The following KCNH6 variants were observed in gnomAD, a reference collection of about 807,000 sequenced individuals.
KCNH6 encodes the protein voltage-gated inwardly rectifying potassium channel KCNH6.
In KCNH6, 81 loss-of-function variants were observed where a neutral mutation model predicts 83.4. The observed-to-expected ratio is 0.97, with a 90% CI of 0.81 to 1.17. The LOEUF (loss-of-function observed/expected upper bound fraction) is 1.17, where lower values mean the gene tolerates loss of function less well. Ranked by LOEUF, KCNH6 falls within the 50% of genes most tolerant of loss-of-function variation. The pLI is 0.00. For synonymous variants in KCNH6, 503 were observed against 545.6 expected, an observed-to-expected ratio of 0.92 and a Z score of 1.09; for missense variants, 1,203 against 1,290.5, an observed-to-expected ratio of 0.93 and a Z score of 1.04.
chr17:63,538,277 G>A lies in KCNH6; in HGVS notation c.1701+13G>A, dbSNP rs199744923. 219 of 1,608,236 alleles carry A rather than the reference G, an allele frequency of 1.4e-4. 2 individuals are homozygous for A. The South Asian group carries it at 2.2e-3, about 16-fold the overall frequency. ...TGACATGAACGCGGTGAGCCCCGCC[G>A]CTCCGGCTAATGCCCCGGGCGTGGG... On this transcript the variant is annotated intron_variant, in intron 7 of 12. Transcript: ENST00000314672. This position sits in a 1 kb window ranked among gnomAD's most constrained non-coding sequence, Gnocchi z 4.0.
At position 63,535,808 on chromosome 17, in the gene KCNH6, G is replaced by A. The variant is rs151228927; in HGVS notation, c.1241G>A (p.Trp414Ter). Residue 414 changes from tryptophan (W) to a stop codon, truncating the protein, a stop_gained, in exon 6 of 13, where the codon TGG becomes TAG. Transcript: ENST00000314672. LOFTEE classifies it high-confidence loss of function. This position sits in a 1 kb window ranked among gnomAD's most constrained non-coding sequence, Gnocchi z 4.9. ...TGCACCTTCGCGCTCATAGCGCACT[G>A]GCTGGCCTGCATCTGGTACGCCATC... ...LMCTFALIAHWLACIWYAIGN... is the reference protein window; with the variant it reads ...LMCTFALIAH 1.2e-6 allele frequency: 2 copies of A among 1,614,238 alleles called. No homozygotes were observed. The highest frequency in any genetic ancestry group is 1.7e-6 in the Non-Finnish European group (2 of 1,180,048).
Position 63,543,573 on chromosome 17 carries a change from A to T in KCNH6, c.2149-3A>T. ...GTTATTTCACCCTCTTGCTTCCCATAAGGCAGCCGGGGGTCTCCACTCATC... is the reference window on the plus strand; with the variant it reads ...GTTATTTCACCCTCTTGCTTCCCATTAGGCAGCCGGGGGTCTCCACTCATC... On this transcript the variant is annotated splice_polypyrimidine_tract_variant and splice_region_variant and intron_variant, in intron 9 of 12. Transcript: ENST00000314672. The T allele has an allele frequency of 6.2e-7, 1 of 1,606,884 alleles. No homozygotes were observed. Among genetic ancestry groups the T allele is most frequent in the Non-Finnish European group, 8.5e-7 (1 of 1,173,852 alleles).
rs2032403414 is a variant in KCNH6, at chr17:63,535,236, C to T, written c.1102-433C>T. Among the ~76,000 whole-genome samples the T allele has an allele frequency of 2.0e-5, 3 of 152,178 alleles. No homozygotes were observed. Among genetic ancestry groups the T allele is most frequent in the East Asian group, 1.9e-4 (1 of 5,192 alleles). The stretch of plus-strand genomic sequence containing the variant: ...TCACTGCTCCTCCATCTCCCATGTG[C>T]GCATCGGGCTGCAGTGCCACACTCG... On this transcript the variant is annotated intron_variant, in intron 5 of 12. Transcript: ENST00000314672. The surrounding 1 kb of genome is among the most constrained non-coding windows in gnomAD (Gnocchi z 4.9).
Position 63,546,001 on chromosome 17 carries a change from C to CAA in KCNH6, c.*100_*101insAA. 8.5e-7 allele frequency: 1 copy of CAA among 1,176,704 alleles called. No homozygotes were observed. Among genetic ancestry groups the CAA allele is most frequent in the Non-Finnish European group, 1.2e-6 (1 of 828,302 alleles). 72.9% of individuals were successfully genotyped at this position (1,176,704 alleles called of 1,614,324 possible). On this transcript the variant is annotated 3_prime_UTR_variant, in exon 13 of 13. Coordinates refer to ENST00000314672, the MANE Select transcript of KCNH6 (RefSeq NM_001278919.2). The stretch of plus-strand genomic sequence containing the variant: ...GGGTGCAGTGGCTCGCCTGTAATCC[C>CAA]AGCACTTTGGGAGGCCGAGGCGGGC...
chr17:63,527,753 G>T (rs1469019450), intron 2 of KCNH6, among the ~76,000 whole-genome samples: 1 of 152,178 alleles, frequency 6.6e-6, no homozygotes, highest in African/African-American at 2.4e-5. Context: ...GTGGGCTTTT[G>T]TTGTGTGGGG....
At chr17:63,544,057 G>A (rs1369888963) in intron 10 of KCNH6, 192 bp from the exon 11 acceptor site, 1 of 1,604,898 alleles carries the variant, frequency 6.2e-7, no homozygotes, top group Non-Finnish European at 8.5e-7. Flanking sequence ...AAGGGCTACA[G>A]CCTCCTGGGT....
chr17:63,541,880 G>A (rs760119264), intron 8 of KCNH6, among the ~76,000 whole-genome samples: 1 of 152,214 alleles, frequency 6.6e-6, no homozygotes, highest in African/African-American at 2.4e-5. Flanking sequence ...GGCAGGCCAA[G>A]CAGCAGGAAG....
intron 2 of KCNH6, among the ~76,000 whole-genome samples, chr17:63,525,315 G>A (rs1050077710): frequency 6.6e-6 from 1 of 152,182 alleles, no homozygotes; most frequent in African/African-American, 2.4e-5. Flanking sequence ...TCCAACCTGG[G>A]ACTGGAACCC....
rs960824358 is a variant in KCNH6, at chr17:63,535,041, C to T, written c.1102-628C>T. Among the ~76,000 whole-genome samples, 1 of 152,198 alleles carries T rather than the reference C, an allele frequency of 6.6e-6. No homozygotes were observed. The highest frequency in any genetic ancestry group is 2.4e-5 in the African/African-American group (1 of 41,448). On this transcript the variant is annotated intron_variant, in intron 5 of 12. Transcript: ENST00000314672. The surrounding 1 kb of genome is among the most constrained non-coding windows in gnomAD (Gnocchi z 4.9). ...CCGCCCCTCCACACAGCTGCCACAGCGACTTTCAGATCGCCTACCTGACCC... is the reference window on the plus strand; with the variant it reads ...CCGCCCCTCCACACAGCTGCCACAGTGACTTTCAGATCGCCTACCTGACCC...
chr17:63,546,028 G>C lies in KCNH6; in HGVS notation c.*126G>C. On this transcript the variant is annotated 3_prime_UTR_variant, in exon 13 of 13. Coordinates refer to ENST00000314672, the MANE Select transcript of KCNH6 (RefSeq NM_001278919.2). ...GCACTTTGGGAGGCCGAGGCGGGCG[G>C]ATCAGACCATCCTGGCTAACACGGT... is the stretch of plus-strand genomic sequence containing the variant. The C allele has an allele frequency of 1.2e-6, 1 of 800,414 alleles. No homozygotes were observed. Among genetic ancestry groups the C allele is most frequent in the Non-Finnish European group, 2.0e-6 (1 of 509,164 alleles). 49.6% of individuals were successfully genotyped at this position (800,414 alleles called of 1,614,324 possible).
At position 63,533,740 on chromosome 17, in the gene KCNH6, C is replaced by T. The variant is rs2032273699; in HGVS notation, c.676-146C>T. On this transcript the variant is annotated intron_variant, in intron 4 of 12. Transcript: ENST00000314672. The surrounding 1 kb of genome is among the most constrained non-coding windows in gnomAD (Gnocchi z 4.1). ...AACTTGCCTTCTCAGACACCCCCCA[C>T]CCCATCTCTCCCTCATCCCCTCTGC... 4.6e-5 allele frequency: 30 copies of T among 654,906 alleles called. No individual in the cohort carries two copies. In the South Asian group the frequency reaches 5.7e-4, roughly 12 times the overall value. The allele number at this position is 654,906 out of a possible 1,614,324, so 40.6% of individuals were successfully genotyped here.
At chr17:63,524,438 C>T in intron 2 of KCNH6, 69 bp downstream of exon 2, 2 of 1,419,248 alleles carry the variant, frequency 1.4e-6, no homozygotes, top group Non-Finnish European at 2.0e-6. Context: ...GCCAGGGTGG[C>T]CTTGGGGAAG....
Position 63,544,242 on chromosome 17 carries a change from C to T in KCNH6, c.2234-7C>T. On this transcript the variant is annotated splice_region_variant and splice_polypyrimidine_tract_variant and intron_variant, in intron 10 of 12. Transcript: ENST00000314672. Reference sequence around the variant, plus strand: ...GCCCAGCTGAGACTTCCCTTTCCCTCCTGCAGATGCAGCCCCTCCCCTGAG... The same window carrying T: ...GCCCAGCTGAGACTTCCCTTTCCCTTCTGCAGATGCAGCCCCTCCCCTGAG... 1 of 1,581,776 alleles carries T rather than the reference C, an allele frequency of 6.3e-7. No individual in the cohort carries two copies. Among genetic ancestry groups the T allele is most frequent in the Non-Finnish European group, 8.6e-7 (1 of 1,161,062 alleles).
intron 6 of KCNH6, among the ~76,000 whole-genome samples, chr17:63,536,403 G>A (rs2032501633): frequency 6.6e-6 from 1 of 152,220 alleles, no homozygotes. Flanking sequence ...AGCACTCCAG[G>A]ACACCAAGGT....
chr17:63,539,544 A>G (rs76536287), intron 8 of KCNH6, among the ~76,000 whole-genome samples: 5,374 of 152,200 alleles, frequency 0.035, 297 homozygotes, highest in African/African-American at 0.12. Context: ...ATCAAACTCA[A>G]TGTATCCCAA....
chr17:63,548,359 G>T (rs966986553), downstream of KCNH6, among the ~76,000 whole-genome samples: 7 of 152,162 alleles, frequency 4.6e-5, no homozygotes, highest in African/African-American at 1.7e-4. Flanking sequence ...CCCAGCCTGG[G>T]CAACATAGCA....
At chr17:63,537,510 C>T (rs1331037902) in intron 6 of KCNH6, among the ~76,000 whole-genome samples, 1 of 152,196 alleles carries the variant, frequency 6.6e-6, no homozygotes, top group Non-Finnish European at 1.5e-5. Flanking sequence ...TCTTGGCTCA[C>T]TGCAACCTCT....
At chr17:63,536,150 A>G in intron 6 of KCNH6, 82 bp downstream of exon 6, 1 of 1,227,558 alleles carries the variant, frequency 8.1e-7, no homozygotes, top group Non-Finnish European at 1.2e-6. Flanking sequence ...GTACTGAGAT[A>G]GAACATAACA....
intron 8 of KCNH6, among the ~76,000 whole-genome samples, chr17:63,540,037 C>T (rs550310668): frequency 1.8e-4 from 28 of 152,336 alleles, no homozygotes; most frequent in African/African-American, 6.3e-4. Context: ...CTGCCTGGAG[C>T]GCCCTACCCT....
Sources: gnomAD v4.1 joint callset for allele counts (sites outside exome capture counted in the v4.1 genomes callset) on GRCh38, gnomAD v4.1.1 for gene constraint, Gnocchi (gnomAD v3.1) non-coding constraint, MANE v1.5 for transcripts, NCBI Gene and HGNC (gene_info 2026-07-23, HGNC 2026-07-21) for gene names.